Variants in DOCK8 observed in about 807,000 individuals in gnomAD.
DOCK8 encodes dedicator of cytokinesis protein 8.
A neutral mutation model predicts 245.6 loss-of-function variants in DOCK8; 141 were observed. The ratio of observed to expected loss-of-function variants is 0.57; its 90% CI spans 0.50 to 0.66. The LOEUF (loss-of-function observed/expected upper bound fraction) is 0.66. Among genes scored for constraint, DOCK8 ranks in the 30% least tolerant of loss-of-function variants. The pLI, the probability that DOCK8 is intolerant of heterozygous loss-of-function variation, is 0.00. For missense variants in DOCK8, 2,965 were observed against 2,603.4 expected (o/e 1.14, Z -3.02); for synonymous variants, 1,168 against 970.2 (o/e 1.20, Z -3.79).
In DOCK8 at chr9:353,284, C is replaced by T. The variant is rs544226352; in HGVS notation, c.1679+12963C>T. Among the ~76,000 whole-genome samples the T allele has an allele frequency of 6.8e-3, 1,036 of 151,378 alleles. 19 individuals carry two copies. The highest frequency in any genetic ancestry group is 0.024 in the African/African-American group (978 of 41,342). ...ATATGTTTATAGAGGCAGCTGGGGG[C>T]ATCTGGCCAATTTATTTCCCAGCAG... On this transcript the variant is annotated intron_variant, in intron 14 of 47. Transcript: ENST00000432829.
In DOCK8 at chr9:414,969, T is replaced by C. The variant is rs2055922201; in HGVS notation, c.3700+18T>C. 1 of 1,612,638 alleles carries C rather than the reference T, an allele frequency of 6.2e-7. No individual in the cohort carries two copies. The highest frequency in any genetic ancestry group is 8.5e-7 in the Non-Finnish European group (1 of 1,180,002). ...CTTTACAGGTAATGGCCCTTCTGTT[T>C]TCTTTCTTGGATTGTTGGGGGCCCC... On this transcript the variant is annotated intron_variant, in intron 29 of 47. Coordinates refer to ENST00000432829, the MANE Select transcript of DOCK8 (RefSeq NM_203447.4).
chr9:443,422 C>G lies in DOCK8; in HGVS notation c.5491-5C>G. The G allele has an allele frequency of 1.2e-6, 2 of 1,613,612 alleles. No individual in the cohort carries two copies. The highest frequency in any genetic ancestry group is 1.7e-6 in the Non-Finnish European group (2 of 1,179,598). On this transcript the variant is annotated splice_polypyrimidine_tract_variant and splice_region_variant and intron_variant, in intron 42 of 47. Coordinates refer to ENST00000432829, the MANE Select transcript of DOCK8 (RefSeq NM_203447.4). Reference sequence around the variant, plus strand: ...CTTTATAAACTGTTGGTTCTTCTTACCTAGGCATTTTATGGTCAATGTTTT... The same window carrying G: ...CTTTATAAACTGTTGGTTCTTCTTAGCTAGGCATTTTATGGTCAATGTTTT...
At chr9:396,657 A>G (rs1194402582) in intron 24 of DOCK8, 128 bp from the exon 25 acceptor site, 4 of 1,327,632 alleles carry the variant, frequency 3.0e-6, no homozygotes, top group Non-Finnish European at 4.3e-6. Flanking sequence ...CTCGGGCACC[A>G]CCAGCACAGA....
At chr9:231,311 A>G (rs1361014464) in intron 1 of DOCK8, among the ~76,000 whole-genome samples, 1 of 152,074 alleles carries the variant, frequency 6.6e-6, no homozygotes, top group Non-Finnish European at 1.5e-5. Flanking sequence ...GTAGCCTTGT[A>G]GTATAGTTTG....
chr9:418,234 G>A, intron 30 of DOCK8, 27 bp downstream of exon 30: 1 of 1,613,758 alleles, frequency 6.2e-7, no homozygotes, highest in Middle Eastern at 1.7e-4. Flanking sequence ...GTGTCTGGTT[G>A]ATTTTTCATT....
rs1051642459 is a variant in DOCK8, at chr9:276,889, A to G, written c.156+5160A>G. On this transcript the variant is annotated intron_variant, in intron 2 of 47. Coordinates refer to ENST00000432829, the MANE Select transcript of DOCK8 (RefSeq NM_203447.4). The stretch of plus-strand genomic sequence containing the variant: ...AGTGGTACAATCTTGGCTCACTACA[A>G]CCTCCGCCTCCCAGGCTCAAGCGAT... The G allele has an allele frequency of 2.1e-5, 5 of 238,990 alleles. 1 individual carries two copies. The East Asian group carries it at 6.8e-4, about 33-fold the overall frequency. 14.8% of individuals were successfully genotyped at this position (238,990 alleles called of 1,614,324 possible).
At chr9:336,281 AC>A (rs1201141437) in intron 11 of DOCK8, among the ~76,000 whole-genome samples, 2 of 152,122 alleles carry the variant, frequency 1.3e-5, no homozygotes, top group Non-Finnish European at 2.9e-5. Flanking sequence ...TTATCAGGAG[AC>A]CCTGTTCTGG....
chr9:407,312 A>T (rs529568351), intron 28 of DOCK8, among the ~76,000 whole-genome samples: 1 of 152,158 alleles, frequency 6.6e-6, no homozygotes, highest in South Asian at 2.1e-4. Context: ...TTGGTCAACT[A>T]TTTCAGTGGA....
intron 4 of DOCK8, among the ~76,000 whole-genome samples, chr9:298,280 C>T (rs2049355244): frequency 6.6e-6 from 1 of 152,148 alleles, no homozygotes; most frequent in Admixed American, 6.5e-5. Context: ...CAAAAATTAG[C>T]TGGGTACGGT....
chr9:379,638 A>T lies in DOCK8; in HGVS notation c.2441-133A>T, dbSNP rs184461904. On this transcript the variant is annotated intron_variant, in intron 20 of 47. Coordinates refer to ENST00000432829, the MANE Select transcript of DOCK8 (RefSeq NM_203447.4). Reference sequence around the variant, plus strand: ...AGCCAGCATGCCAGAGCTCACCAAAACCATCTACCCTTCCCAGGCCTAGTT... The same window carrying T: ...AGCCAGCATGCCAGAGCTCACCAAATCCATCTACCCTTCCCAGGCCTAGTT... 373 of 978,030 alleles carry T rather than the reference A, an allele frequency of 3.8e-4. No individual in the cohort carries two copies. The African/African-American group carries it at 5.6e-3, about 15-fold the overall frequency. The allele number at this position is 978,030 out of a possible 1,614,324, so 60.6% of individuals were successfully genotyped here. A position where few individuals can be genotyped will look rare whatever the true frequency, so the allele number is the denominator to read the frequency against.
intron 2 of DOCK8, among the ~76,000 whole-genome samples, chr9:279,265 T>G (rs1280266206): frequency 6.6e-6 from 1 of 152,176 alleles, no homozygotes; most frequent in Non-Finnish European, 1.5e-5. Context: ...ACTCATTGTG[T>G]TTGAGAGGTC....
chr9:415,383 G>C (rs367671872), intron 29 of DOCK8, among the ~76,000 whole-genome samples: 1 of 150,832 alleles, frequency 6.6e-6, no homozygotes. Context: ...ATTGCTCCAT[G>C]CAAAAAAAAA....
chr9:359,694 A>G (rs1253544892), intron 14 of DOCK8, among the ~76,000 whole-genome samples: 2 of 152,156 alleles, frequency 1.3e-5, no homozygotes, highest in Non-Finnish European at 2.9e-5. Context: ...ATTGCTATAG[A>G]GAGTAAAAAG....
intron 14 of DOCK8, among the ~76,000 whole-genome samples, chr9:347,263 G>A (rs2051937781): frequency 6.6e-6 from 1 of 152,088 alleles, no homozygotes; most frequent in Admixed American, 6.5e-5. Context: ...CAGCACTTTG[G>A]GAGGCCGAGG....
chr9:320,100 C>G (rs1408500825), intron 7 of DOCK8, among the ~76,000 whole-genome samples: 1 of 152,192 alleles, frequency 6.6e-6, no homozygotes, highest in African/African-American at 2.4e-5. Flanking sequence ...AGAACAAACA[C>G]TCACGGAAAA....
chr9:379,478 C>G (rs553457243), intron 20 of DOCK8, among the ~76,000 whole-genome samples: 40 of 152,272 alleles, frequency 2.6e-4, no homozygotes, highest in Admixed American at 4.6e-4. Context: ...TGAGTAGCAT[C>G]AGTTTACAAC....
chr9:296,753 C>T (rs927193948), intron 4 of DOCK8, among the ~76,000 whole-genome samples: 8 of 152,172 alleles, frequency 5.3e-5, no homozygotes, highest in Non-Finnish European at 7.3e-5. Flanking sequence ...GTATGAAAAG[C>T]ACGCCCGGCT....
chr9:292,338 G>T (rs951215963), intron 4 of DOCK8, among the ~76,000 whole-genome samples: 4 of 126,518 alleles, frequency 3.2e-5, no homozygotes, highest in Non-Finnish European at 6.2e-5. Flanking sequence ...GGTGAGCCAA[G>T]ATCGCGCCAT....
intron 14 of DOCK8, among the ~76,000 whole-genome samples, chr9:354,392 C>A (rs2052325155): frequency 6.6e-6 from 1 of 152,044 alleles, no homozygotes. Context: ...TGAAGTAAAA[C>A]CATTTTTTTT....
Sources: gnomAD v4.1 joint callset for allele counts (sites outside exome capture counted in the v4.1 genomes callset) on GRCh38, gnomAD v4.1.1 for gene constraint, MANE v1.5 for transcripts, NCBI Gene and HGNC (gene_info 2026-07-23, HGNC 2026-07-21) for gene names.